Variants in GFRA1 observed in about 807,000 individuals in gnomAD.
GFRA1 encodes GDNF family receptor alpha 1.
Under a neutral mutation model 51.6 loss-of-function variants are expected in GFRA1, and 16 were observed. The ratio of observed to expected loss-of-function variants is 0.31; its 90% CI spans 0.21 to 0.47. The LOEUF (loss-of-function observed/expected upper bound fraction) is 0.47. GFRA1 is among the 20% of genes least tolerant of loss of function. The pLI is 1.00. For synonymous variants in GFRA1, 270 were observed against 241.3 expected (o/e 1.12, Z -1.10); for missense variants, 530 against 594.3 (o/e 0.89, Z 1.13).
intron 4 of GFRA1, among the ~76,000 whole-genome samples, chr10:116,258,037 G>C (rs970279616): frequency 2.6e-5 from 4 of 152,038 alleles, no homozygotes; most frequent in African/African-American, 9.7e-5. Context: ...TTCTCTGACC[G>C]GCAACACCAT....
At chr10:116,209,752 AC>A (rs1244593743) in intron 5 of GFRA1, among the ~76,000 whole-genome samples, 1 of 152,072 alleles carries the variant, frequency 6.6e-6, no homozygotes, top group Non-Finnish European at 1.5e-5. Flanking sequence ...TGTAACTGTC[AC>A]CAGTTGAACA....
intron 4 of GFRA1, 82 bp from the exon 5 acceptor site, chr10:116,211,727 C>A: frequency 8.7e-7 from 1 of 1,150,888 alleles, no homozygotes; most frequent in Non-Finnish European, 1.3e-6. Context: ...TTGAAAAGGA[C>A]AGTATGATGA....
intron 9 of GFRA1, 24 bp downstream of exon 9, chr10:116,089,717 A>G (rs769752564): frequency 6.2e-7 from 1 of 1,606,458 alleles, no homozygotes; most frequent in East Asian, 2.2e-5. Context: ...GAGCCCCAGC[A>G]AGGAATCTGG....
intron 4 of GFRA1, among the ~76,000 whole-genome samples, chr10:116,268,185 A>C (rs1969824376): frequency 6.6e-6 from 1 of 152,200 alleles, no homozygotes; most frequent in South Asian, 2.1e-4. Flanking sequence ...TAGATGTTAC[A>C]AAAGCTTAGA....
At chr10:116,219,987 G>A (rs1016458539) in intron 4 of GFRA1, among the ~76,000 whole-genome samples, 2 of 152,010 alleles carry the variant, frequency 1.3e-5, no homozygotes, top group African/African-American at 4.8e-5. Flanking sequence ...GATCTCTAAG[G>A]TCCCTTCCAG....
intron 4 of GFRA1, among the ~76,000 whole-genome samples, chr10:116,251,296 G>T (rs544339580): frequency 1.3e-4 from 20 of 152,322 alleles, no homozygotes; most frequent in African/African-American, 4.8e-4. Flanking sequence ...GTCATCCAAA[G>T]AATCTTGACA....
chr10:116,202,757 C>T (rs1349010383), intron 5 of GFRA1, among the ~76,000 whole-genome samples: 1 of 152,032 alleles, frequency 6.6e-6, no homozygotes, highest in East Asian at 1.9e-4. Flanking sequence ...GGAAATCCAC[C>T]CTCATGATCT....
rs184006319 is a variant in GFRA1, at chr10:116,163,899, G to A, written c.434-38342C>T. Among the ~76,000 whole-genome samples, 10 of 152,294 alleles carry A rather than the reference G, an allele frequency of 6.6e-5. No homozygotes were observed. The East Asian group carries it at 7.7e-4, about 12-fold the overall frequency. ...TTTGATCTGTCTGTCCCAGCACCAC[G>A]GAGATGTTAGACATGGGATGCCACC... is the stretch of plus-strand genomic sequence containing the variant. On this transcript the variant is annotated intron_variant, in intron 5 of 10. Coordinates refer to ENST00000355422, the MANE Select transcript of GFRA1 (RefSeq NM_005264.8).
chr10:116,129,079 GA>G (rs1301764341), intron 5 of GFRA1, among the ~76,000 whole-genome samples: 1 of 152,120 alleles, frequency 6.6e-6, no homozygotes, highest in Non-Finnish European at 1.5e-5. Flanking sequence ...ATTCAAAGGG[GA>G]AAAAACTATT....
In GFRA1 at chr10:116,061,946, CTATTTATT is replaced by C. The variant is rs962559729; in HGVS notation, c.*2444_*2451del. 2.5e-6 allele frequency: 1 copy of C among 398,508 alleles called. No homozygotes were observed. Among genetic ancestry groups the C allele is most frequent in the East Asian group, 3.6e-5 (1 of 28,078 alleles). 24.7% of individuals were successfully genotyped at this position (398,508 alleles called of 1,614,324 possible). A position where few individuals can be genotyped will look rare whatever the true frequency, so the allele number is the denominator to read the frequency against. ...TTGTCCCTGAACAAGATGCTTCCCC[CTATTTATT>C]TAATCAGCAACTGATTTTCAAATTG... On this transcript the variant is annotated 3_prime_UTR_variant, in exon 11 of 11. Coordinates refer to ENST00000355422, the MANE Select transcript of GFRA1 (RefSeq NM_005264.8).
At chr10:116,247,041 A>T (rs963905152) in intron 4 of GFRA1, among the ~76,000 whole-genome samples, 1 of 152,210 alleles carries the variant, frequency 6.6e-6, no homozygotes, top group Non-Finnish European at 1.5e-5. Context: ...CGAGGCAAAG[A>T]TGTTCAGATT....
At chr10:116,214,341 AC>A (rs1358943473) in intron 4 of GFRA1, among the ~76,000 whole-genome samples, 3 of 152,222 alleles carry the variant, frequency 2.0e-5, no homozygotes, top group Non-Finnish European at 4.4e-5. Context: ...GCTCCTGAGG[AC>A]AAGAGCAGTG....
chr10:116,154,234 G>A (rs1959163709), intron 5 of GFRA1, among the ~76,000 whole-genome samples: 1 of 152,154 alleles, frequency 6.6e-6, no homozygotes, highest in South Asian at 2.1e-4. Context: ...TTACTCAACA[G>A]GAATGTGTCT....
At chr10:116,209,787 A>T (rs1965049139) in intron 5 of GFRA1, among the ~76,000 whole-genome samples, 1 of 152,088 alleles carries the variant, frequency 6.6e-6, no homozygotes, top group South Asian at 2.1e-4. Flanking sequence ...TATTTTCATA[A>T]GCAGGATGGC....
chr10:116,256,618 C>T (rs1199325081), intron 4 of GFRA1, among the ~76,000 whole-genome samples: 2 of 152,162 alleles, frequency 1.3e-5, no homozygotes, highest in Non-Finnish European at 1.5e-5. Context: ...TCCCCTCAAG[C>T]AGGTGCTCCC....
chr10:116,269,500 T>C lies in GFRA1; in HGVS notation c.418+3A>G, dbSNP rs770114148. ...ATCAGCATGGAAGTATAAATCTGCT[T>C]ACCTGATATGAATGGGACCACCCGG... On this transcript the variant is annotated splice_donor_region_variant and intron_variant, in intron 4 of 10. Coordinates refer to ENST00000355422, the MANE Select transcript of GFRA1 (RefSeq NM_005264.8). The C allele has an allele frequency of 6.5e-7, 1 of 1,545,800 alleles. No homozygotes were observed. Among genetic ancestry groups the C allele is most frequent in the South Asian group, 1.1e-5 (1 of 89,712 alleles).
intron 6 of GFRA1, among the ~76,000 whole-genome samples, chr10:116,102,222 C>A (rs1361762013): frequency 3.9e-5 from 6 of 152,192 alleles, no homozygotes; most frequent in Non-Finnish European, 7.3e-5. Flanking sequence ...ACTTTAATTT[C>A]TCTGGGATTG....
intron 4 of GFRA1, among the ~76,000 whole-genome samples, chr10:116,262,779 C>T (rs758333855): frequency 6.6e-6 from 1 of 152,174 alleles, no homozygotes; most frequent in Non-Finnish European, 1.5e-5. Context: ...AAAGCCTTTG[C>T]AGACGGAAGC....
intron 5 of GFRA1, among the ~76,000 whole-genome samples, chr10:116,181,626 T>C (rs201074756): frequency 3.1e-5 from 1 of 32,548 alleles, no homozygotes; most frequent in African/African-American, 7.8e-5. Flanking sequence ...AAATATGAGG[T>C]TTTTTTTTGT....
Sources: gnomAD v4.1 joint callset for allele counts (sites outside exome capture counted in the v4.1 genomes callset) on GRCh38, gnomAD v4.1.1 for gene constraint, MANE v1.5 for transcripts, NCBI Gene and HGNC (gene_info 2026-07-23, HGNC 2026-07-21) for gene names.